Variants in TDRD3 observed in about 807,000 individuals in gnomAD.
TDRD3 encodes tudor domain-containing protein 3.
A neutral mutation model predicts 86.7 loss-of-function variants in TDRD3; 45 were observed. The observed-to-expected ratio is 0.52, with a 90% CI of 0.41 to 0.67. The LOEUF (loss-of-function observed/expected upper bound fraction) is 0.67, where lower values mean the gene tolerates loss of function less well. TDRD3 is among the 30% of genes least tolerant of loss of function. TDRD3 has a pLI of 0.00. For missense variants in TDRD3, 814 were observed against 889.0 expected (o/e 0.92, Z 1.07); for synonymous variants, 298 against 301.7 (o/e 0.99, Z 0.13).
At chr13:60,496,100 T>C (rs1348350002) in intron 8 of TDRD3, among the ~76,000 whole-genome samples, 3 of 150,750 alleles carry the variant, frequency 2.0e-5, no homozygotes, top group Non-Finnish European at 3.0e-5. Flanking sequence ...TATAAACAGG[T>C]AGAAAAATGT....
intron 2 of TDRD3, among the ~76,000 whole-genome samples, chr13:60,441,654 T>C (rs1353094586): frequency 6.6e-6 from 1 of 152,148 alleles, no homozygotes; most frequent in Non-Finnish European, 1.5e-5. Context: ...GAAAGACGTG[T>C]ATTATTGATT....
intron 1 of TDRD3, among the ~76,000 whole-genome samples, 157 bp downstream of exon 1, chr13:60,397,562 G>A (rs1953958667): frequency 6.7e-6 from 1 of 149,772 alleles, no homozygotes; most frequent in Non-Finnish European, 1.5e-5. Flanking sequence ...CGCCCCCGGC[G>A]CCACGCGGAG....
intron 7 of TDRD3, 101 bp downstream of exon 7, chr13:60,486,049 C>A: frequency 8.2e-7 from 1 of 1,219,546 alleles, no homozygotes; most frequent in Non-Finnish European, 1.1e-6. Flanking sequence ...ACTAATTCAA[C>A]AAACGCTTAA....
chr13:60,422,071 C>T (rs555808700), intron 1 of TDRD3, among the ~76,000 whole-genome samples: 1 of 152,076 alleles, frequency 6.6e-6, no homozygotes, highest in African/African-American at 2.4e-5. Flanking sequence ...GGGATAGATT[C>T]TATTTAAATG....
intron 5 of TDRD3, among the ~76,000 whole-genome samples, chr13:60,475,666 T>A (rs796088952): frequency 1.8e-4 from 28 of 152,210 alleles, no homozygotes; most frequent in African/African-American, 6.3e-4. Flanking sequence ...CCAGCAACTG[T>A]GTATGTGTAT....
chr13:60,509,083 A>T (rs1045693799), intron 8 of TDRD3, among the ~76,000 whole-genome samples: 6 of 152,214 alleles, frequency 3.9e-5, no homozygotes, highest in African/African-American at 1.4e-4. Flanking sequence ...TATTAGATGT[A>T]TAAAAGTTAA....
At chr13:60,513,356 G>A (rs1566260896) in intron 10 of TDRD3, among the ~76,000 whole-genome samples, 1 of 152,200 alleles carries the variant, frequency 6.6e-6, no homozygotes, top group Non-Finnish European at 1.5e-5. Context: ...CCTCTGACAT[G>A]CCCTGAAGAC....
upstream of TDRD3, among the ~76,000 whole-genome samples, chr13:60,395,848 CACTGCATACT>C (rs3841371): frequency 4.6e-4 from 70 of 152,320 alleles, no homozygotes; most frequent in East Asian, 0.013. Context: ...ATGACTTAAA[CACTGCATACT>C]ACTGCACATT....
intron 8 of TDRD3, among the ~76,000 whole-genome samples, chr13:60,496,335 A>C (rs1269993687): frequency 1.3e-4 from 10 of 74,366 alleles, no homozygotes; most frequent in African/African-American, 4.2e-4. Flanking sequence ...ATATATATAT[A>C]TATATATATC....
At chr13:60,506,266 C>G (rs902163467) in intron 8 of TDRD3, among the ~76,000 whole-genome samples, 8 of 152,078 alleles carry the variant, frequency 5.3e-5, no homozygotes, top group Non-Finnish European at 1.0e-4. Context: ...AATTTCATAT[C>G]TAGATTTTCA....
At chr13:60,498,723 A>G (rs185835116) in intron 8 of TDRD3, among the ~76,000 whole-genome samples, 340 of 152,250 alleles carry the variant, frequency 2.2e-3, no homozygotes, top group Admixed American at 3.9e-3. Flanking sequence ...TCTTTCTTCT[A>G]TCCTTCCCCA....
At chr13:60,440,641 A>G (rs758916373) in intron 2 of TDRD3, among the ~76,000 whole-genome samples, 2 of 152,066 alleles carry the variant, frequency 1.3e-5, no homozygotes, top group Non-Finnish European at 2.9e-5. Flanking sequence ...AGATCATGCC[A>G]CTGCACTCCA....
At chr13:60,397,615 C>CG (rs1030733882) in intron 1 of TDRD3, among the ~76,000 whole-genome samples, 10 of 145,620 alleles carry the variant, frequency 6.9e-5, no homozygotes, top group African/African-American at 2.5e-5. Flanking sequence ...GCGGCGGCGG[C>CG]GGCCTGGGCC....
At chr13:60,433,563 T>TA (rs1955007028) in intron 1 of TDRD3, among the ~76,000 whole-genome samples, 2 of 152,230 alleles carry the variant, frequency 1.3e-5, no homozygotes, top group South Asian at 2.1e-4. Context: ...GAGGTACACT[T>TA]ACGGCACAAC....
At chr13:60,565,449 G>T (rs1176817355) in intron 12 of TDRD3, among the ~76,000 whole-genome samples, 3 of 152,106 alleles carry the variant, frequency 2.0e-5, no homozygotes, top group African/African-American at 7.2e-5. Flanking sequence ...CTCATGGTTG[G>T]TCATCTCTAT....
chr13:60,537,489 G>A (rs1173623161), intron 12 of TDRD3: 3 of 152,064 alleles, frequency 2.0e-5, no homozygotes, highest in Non-Finnish European at 4.4e-5. Flanking sequence ...CTTAGCCCCT[G>A]AGAGTATTGA....
intron 12 of TDRD3, among the ~76,000 whole-genome samples, chr13:60,565,266 A>G (rs1291589338): frequency 1.3e-5 from 2 of 151,656 alleles, no homozygotes; most frequent in Non-Finnish European, 2.9e-5. Flanking sequence ...CTTGTTAGCC[A>G]GGATGGTCTT....
intron 3 of TDRD3, among the ~76,000 whole-genome samples, chr13:60,447,253 T>A (rs1024397690): frequency 6.6e-6 from 1 of 152,126 alleles, no homozygotes; most frequent in Non-Finnish European, 1.5e-5. Context: ...TGATTGAGGG[T>A]GGAGAGGCAT....
At chr13:60,467,160 C>G (rs888033322) in intron 4 of TDRD3, 78 bp from the exon 5 acceptor site, 1 of 1,537,780 alleles carries the variant, frequency 6.5e-7, no homozygotes, top group Non-Finnish European at 8.8e-7. Flanking sequence ...TGACAGGCCC[C>G]GGTCTGTGTT....
Sources: gnomAD v4.1 joint callset for allele counts (sites outside exome capture counted in the v4.1 genomes callset) on GRCh38, gnomAD v4.1.1 for gene constraint, MANE v1.5 for transcripts, NCBI Gene and HGNC (gene_info 2026-07-23, HGNC 2026-07-21) for gene names.